Variants in BRSK2 observed in about 807,000 individuals in gnomAD.
The protein encoded by BRSK2 is BR serine/threonine kinase 2, also known as serine/threonine-protein kinase BRSK2.
Under a neutral mutation model 83.3 loss-of-function variants are expected in BRSK2, and 19 were observed. The observed-to-expected ratio is 0.23, with a 90% CI of 0.16 to 0.33. BRSK2 has a LOEUF of 0.33. Among genes scored for constraint, BRSK2 ranks in the 10% least tolerant of loss-of-function variants. The pLI, the probability that BRSK2 is intolerant of heterozygous loss-of-function variation, is 1.00. For missense variants in BRSK2, 798 were observed against 1,042.3 expected (o/e 0.77, Z 3.23); for synonymous variants, 519 against 435.4 (o/e 1.19, Z -2.39).
intron 1 of BRSK2, among the ~76,000 whole-genome samples, chr11:1,435,046 A>G (rs937381951): frequency 2.6e-5 from 4 of 151,514 alleles, no homozygotes; most frequent in Non-Finnish European, 5.9e-5. Context: ...GCCAAGGCAC[A>G]TTCCCAGAGC....
At chr11:1,411,773 G>A (rs946370088) in intron 1 of BRSK2, 32 of 1,259,850 alleles carry the variant, frequency 2.5e-5, no homozygotes, top group African/African-American at 7.5e-5. Flanking sequence ...CCAGCTGTGC[G>A]GGTTCCTACG....
Position 1,453,475 on chromosome 11 carries a change from T to C in BRSK2, c.1545-1010T>C, listed in dbSNP as rs1846055344. Reference sequence around the variant, plus strand: ...CACTTCCTGGCTCCAGGCCCTGGCATGGGGCTGGGGTAAGGTCAGGGCCAG... The same window carrying C: ...CACTTCCTGGCTCCAGGCCCTGGCACGGGGCTGGGGTAAGGTCAGGGCCAG... On this transcript the variant is annotated intron_variant, in intron 15 of 19. Coordinates refer to ENST00000528841, the MANE Select transcript of BRSK2 (RefSeq NM_001256627.2). Among the ~76,000 whole-genome samples, 3 of 152,062 alleles carry C rather than the reference T, an allele frequency of 2.0e-5. No individual in the cohort carries two copies. In the South Asian group the frequency reaches 6.2e-4, roughly 31 times the overall value.
At chr11:1,420,931 C>T (rs1374727000) in intron 1 of BRSK2, among the ~76,000 whole-genome samples, 4 of 152,234 alleles carry the variant, frequency 2.6e-5, no homozygotes, top group African/African-American at 9.6e-5. Context: ...CCAGGGCCCC[C>T]TCGGCCCTCT....
Position 1,459,257 on chromosome 11 carries a change from T to C in BRSK2, c.1987+18T>C, listed in dbSNP as rs1209235606. 6.2e-7 allele frequency: 1 copy of C among 1,612,864 alleles called. No individual in the cohort carries two copies. The highest frequency in any genetic ancestry group is 8.5e-7 in the Non-Finnish European group (1 of 1,179,490). The stretch of plus-strand genomic sequence containing the variant: ...CAAATGTGGTAAGAATCCCCCACGC[T>C]CACCTGGCACCTCCACCTGCCACTT... On this transcript the variant is annotated intron_variant, in intron 19 of 19. Coordinates refer to ENST00000528841, the MANE Select transcript of BRSK2 (RefSeq NM_001256627.2).
chr11:1,416,687 T>G (rs1353499398), intron 1 of BRSK2, among the ~76,000 whole-genome samples: 1 of 152,160 alleles, frequency 6.6e-6, no homozygotes, highest in African/African-American at 2.4e-5. Context: ...GGGTATGATG[T>G]GTGTCTCTGG....
At chr11:1,445,525 G>T (rs932234252) in intron 10 of BRSK2, 46 bp from the exon 11 acceptor site, 1 of 1,601,540 alleles carries the variant, frequency 6.2e-7, no homozygotes, top group Admixed American at 1.7e-5. Context: ...CGGAGGAGCC[G>T]GCGGCCCCGT....
chr11:1,416,486 G>A (rs1848109918), intron 1 of BRSK2, among the ~76,000 whole-genome samples: 1 of 152,162 alleles, frequency 6.6e-6, no homozygotes, highest in Non-Finnish European at 1.5e-5. Context: ...ACCTCCCTCG[G>A]ACCGAAGGGC....
At chr11:1,436,253 C>T (rs962006987) in intron 2 of BRSK2, 119 bp downstream of exon 2, 1 of 734,428 alleles carries the variant, frequency 1.4e-6, no homozygotes, top group African/African-American at 1.8e-5. Context: ...GGGGCGGGCC[C>T]TGCAGGCTCC....
At chr11:1,456,958 C>T (rs1846649265) in intron 18 of BRSK2, 2 of 1,597,208 alleles carry the variant, frequency 1.3e-6, no homozygotes, top group Non-Finnish European at 8.5e-7. Flanking sequence ...ACCGTAGAAC[C>T]CCCCCCACCA....
rs1564896122 is a variant in BRSK2, at chr11:1,460,700, A to ACCGCCCG, written c.2193_2199dup (p.Glu734ProfsTer95). 4.7e-6 allele frequency: 7 copies of ACCGCCCG among 1,488,732 alleles called. No homozygotes were observed. The highest frequency in any genetic ancestry group is 2.6e-5 in the East Asian group (1 of 38,392). 92.2% of individuals were successfully genotyped at this position (1,488,732 alleles called of 1,614,324 possible). A position where few individuals can be genotyped will look rare whatever the true frequency, so the allele number is the denominator to read the frequency against. ...GGACACGGCCAAGATGGGCCCGCCC[A>ACCGCCCG]CCGCCCGCCGCGAGCAGCCTTAGAC... On this transcript the variant is annotated frameshift_variant, in exon 20 of 20. Transcript: ENST00000528841. LOFTEE classifies it high-confidence loss of function.
intron 1 of BRSK2, chr11:1,411,012 C>A: frequency 9.9e-7 from 1 of 1,006,286 alleles, no homozygotes; most frequent in Non-Finnish European, 1.2e-6. Context: ...AGAGAACAGC[C>A]GTGCGTCTGC....
At chr11:1,409,370 C>A (rs753028538) in intron 1 of BRSK2, 1 of 152,200 alleles carries the variant, frequency 6.6e-6, no homozygotes, top group African/African-American at 2.4e-5. Flanking sequence ...GTTTCCTTAG[C>A]GATTTACCTG....
At position 1,445,089 on chromosome 11, in the gene BRSK2, C is replaced by T. The variant is rs540003050; in HGVS notation, c.812+87C>T. 494 of 1,550,788 alleles carry T rather than the reference C, an allele frequency of 3.2e-4. No homozygotes were observed. In the African/African-American group the frequency reaches 5.3e-3, roughly 17 times the overall value. On this transcript the variant is annotated intron_variant, in intron 9 of 19. Transcript: ENST00000528841. ...GCTAGGAAAGGCGGGGGGAGGGCGC[C>T]GGCCCAGCGCAGGTCCTGCCCTGCC... is the stretch of plus-strand genomic sequence containing the variant.
chr11:1,438,596 G>A lies in BRSK2; in HGVS notation c.272+205G>A, dbSNP rs1850664812. Among the ~76,000 whole-genome samples, 2 of 152,156 alleles carry A rather than the reference G, an allele frequency of 1.3e-5. No homozygotes were observed. The highest frequency in any genetic ancestry group is 2.4e-5 in the African/African-American group (1 of 41,446). On this transcript the variant is annotated intron_variant, in intron 3 of 19. Coordinates refer to ENST00000528841, the MANE Select transcript of BRSK2 (RefSeq NM_001256627.2). This position sits in a 1 kb window ranked among gnomAD's most constrained non-coding sequence, Gnocchi z 6.4. ...GTGGTCTCTGCTTCTGGACCAAACC[G>A]GAGACCTGGTCTGTGGAGGCTCGCA...
chr11:1,458,072 G>A lies in BRSK2; in HGVS notation c.1940-1120G>A, dbSNP rs192446259. 2.2e-4 allele frequency among the ~76,000 whole-genome samples: 33 copies of A among 152,240 alleles called. No individual in the cohort carries two copies. The South Asian group carries it at 6.2e-3, about 29-fold the overall frequency. ...AGCCTTCATCTTAGGAAGGGAAACCGAGGCCAGGGAACGACAGGGCAGCCA... is the reference window on the plus strand; with the variant it reads ...AGCCTTCATCTTAGGAAGGGAAACCAAGGCCAGGGAACGACAGGGCAGCCA... On this transcript the variant is annotated intron_variant, in intron 18 of 19. Coordinates refer to ENST00000528841, the MANE Select transcript of BRSK2 (RefSeq NM_001256627.2).
chr11:1,396,510 G>T (rs1846129852), intron 1 of BRSK2, among the ~76,000 whole-genome samples: 1 of 152,232 alleles, frequency 6.6e-6, no homozygotes, highest in South Asian at 2.1e-4. Flanking sequence ...CCCCCTCCAG[G>T]CTGGCCCGAG....
chr11:1,460,741 C>CCG lies in BRSK2; in HGVS notation c.*19_*20insGC, dbSNP rs1554922275. ...AGCCTTAGACACACTAGCCCCCCCC[C>CCG]CCAGCACAGCACTGACAGCGGCTGC... On this transcript the variant is annotated 3_prime_UTR_variant, in exon 20 of 20. Coordinates refer to ENST00000528841, the MANE Select transcript of BRSK2 (RefSeq NM_001256627.2). 15 of 1,413,764 alleles carry CCG rather than the reference C, an allele frequency of 1.1e-5. No homozygotes were observed. The South Asian group carries it at 1.6e-4, about 15-fold the overall frequency. 87.6% of individuals were successfully genotyped at this position (1,413,764 alleles called of 1,614,324 possible).
intron 1 of BRSK2, among the ~76,000 whole-genome samples, chr11:1,414,306 A>T (rs1341828478): frequency 6.6e-6 from 1 of 152,188 alleles, no homozygotes; most frequent in Admixed American, 6.5e-5. Flanking sequence ...AGGTGTCTCC[A>T]TGCCCCTGTG....
rs1232423925 is a variant in BRSK2 at position 1,456,202 on chromosome 11, C to T, written c.1669-146C>T. On this transcript the variant is annotated intron_variant, in intron 16 of 19. Transcript: ENST00000528841. ...CTCCCCCTGCTCCAGCCGTCTCCAA[C>T]CGCACTGTGCCCCTCACGGAAGCAG... The T allele has an allele frequency of 3.1e-5, 27 of 860,076 alleles. No homozygotes were observed. In the East Asian group the frequency reaches 7.3e-4, roughly 23 times the overall value. 53.3% of individuals were successfully genotyped at this position (860,076 alleles called of 1,614,324 possible).
Sources: allele counts gnomAD v4.1 joint callset (sites outside exome capture counted in the v4.1 genomes callset), GRCh38; gene constraint gnomAD v4.1.1; non-coding constraint Gnocchi (gnomAD v3.1); transcripts MANE v1.5; gene names NCBI Gene and HGNC (gene_info 2026-07-23, HGNC 2026-07-21).